The following TENM2 variants were observed in gnomAD, a reference collection of about 807,000 sequenced individuals.
The protein encoded by TENM2 is teneurin-2.
TENM2 carries 52 observed loss-of-function variants against 245.2 expected under a neutral mutation model. That is an observed-to-expected ratio of 0.21 (90% CI 0.17 to 0.27). The LOEUF (loss-of-function observed/expected upper bound fraction) is 0.27, where lower values mean the gene tolerates loss of function less well. Ranked by LOEUF, TENM2 falls within the 10% of genes least tolerant of loss-of-function variation. The pLI is 1.00. For missense variants in TENM2, 3,046 were observed against 3,666.8 expected (o/e 0.83, Z 4.37); for synonymous variants, 1,363 against 1,438.9 (o/e 0.95, Z 1.19).
chr5:167,264,800 T>C, the TENM2 span, among the ~76,000 whole-genome samples: 408 of 152,294 alleles, frequency 2.7e-3, 1 homozygote, highest in African/African-American at 9.5e-3. Context: ...ACTTCGGGCA[T>C]TTAATGTTGA....
the TENM2 span, among the ~76,000 whole-genome samples, chr5:166,985,535 C>T: frequency 1.3e-5 from 2 of 151,946 alleles, no homozygotes; most frequent in African/African-American, 2.4e-5. Flanking sequence ...CTTGTGTGAC[C>T]CAAAATCTAA....
chr5:168,039,521 T>C (rs922722430), intron 5 of TENM2, among the ~76,000 whole-genome samples: 2 of 152,148 alleles, frequency 1.3e-5, no homozygotes, highest in Non-Finnish European at 2.9e-5. Context: ...CATGGGTCCT[T>C]TCTTGGAGAA....
At chr5:167,914,359 A>T (rs1217278499) in intron 3 of TENM2, among the ~76,000 whole-genome samples, 1 of 152,112 alleles carries the variant, frequency 6.6e-6, no homozygotes, top group Non-Finnish European at 1.5e-5. Context: ...TCCTTGGCTC[A>T]TGTCCCCTCC....
the TENM2 span, among the ~76,000 whole-genome samples, chr5:166,996,153 C>T: frequency 6.6e-6 from 1 of 151,972 alleles, no homozygotes; most frequent in African/African-American, 2.4e-5. Context: ...ACCATCCTGG[C>T]TAACACGGTG....
At chr5:167,799,420 C>G (rs1483077468) in intron 2 of TENM2, among the ~76,000 whole-genome samples, 2 of 152,120 alleles carry the variant, frequency 1.3e-5, no homozygotes, top group Non-Finnish European at 1.5e-5. Context: ...CCTTTGCTTT[C>G]TATTTATGGC....
At chr5:167,475,720 C>T (rs2127520132) in intron 2 of TENM2, among the ~76,000 whole-genome samples, 1 of 152,220 alleles carries the variant, frequency 6.6e-6, no homozygotes, top group South Asian at 2.1e-4. Context: ...CATTGTTCAG[C>T]TCCCACTTAT....
chr5:167,737,776 G>T (rs911686567), intron 2 of TENM2, among the ~76,000 whole-genome samples: 1 of 152,220 alleles, frequency 6.6e-6, no homozygotes, highest in Non-Finnish European at 1.5e-5. Flanking sequence ...AGGACCCAAA[G>T]ACATTGTTTC....
chr5:167,776,446 A>C (rs1243997313), intron 2 of TENM2, among the ~76,000 whole-genome samples: 1 of 151,444 alleles, frequency 6.6e-6, no homozygotes, highest in African/African-American at 2.4e-5. Flanking sequence ...AAATACAAAA[A>C]TTAGCTGAGC....
the TENM2 span, among the ~76,000 whole-genome samples, chr5:167,162,658 A>C: frequency 6.6e-6 from 1 of 151,240 alleles, no homozygotes; most frequent in Non-Finnish European, 1.5e-5. Flanking sequence ...CAAAAAAAAA[A>C]CCTCCTTAGG....
At chr5:167,393,109 A>G (rs771894045) in intron 2 of TENM2, among the ~76,000 whole-genome samples, 1 of 151,368 alleles carries the variant, frequency 6.6e-6, no homozygotes, top group Non-Finnish European at 1.5e-5. Context: ...GCGACAGAGC[A>G]AGACTCCATC....
chr5:167,836,906 G>T (rs1258199918), intron 2 of TENM2, among the ~76,000 whole-genome samples: 1 of 152,130 alleles, frequency 6.6e-6, no homozygotes, highest in Non-Finnish European at 1.5e-5. Context: ...TTTTCTGAGA[G>T]GAGGCACTGG....
chr5:167,919,596 TAACCCC>T (rs1484602180), intron 3 of TENM2, among the ~76,000 whole-genome samples: 1 of 152,182 alleles, frequency 6.6e-6, no homozygotes, highest in Non-Finnish European at 1.5e-5. Context: ...GGCGAAGAGG[TAACCCC>T]TTGACCTAAG....
At chr5:167,804,424 T>G (rs1471628602) in intron 2 of TENM2, among the ~76,000 whole-genome samples, 1 of 152,114 alleles carries the variant, frequency 6.6e-6, no homozygotes, top group Non-Finnish European at 1.5e-5. Context: ...GAAGGAGGAA[T>G]CTGCTTCTTG....
intron 16 of TENM2, 111 bp from the exon 19 acceptor site, chr5:168,199,753 C>G: frequency 8.4e-7 from 1 of 1,191,282 alleles, no homozygotes; most frequent in Middle Eastern, 2.9e-4. Flanking sequence ...CTTGCACCCA[C>G]ATAAGATGTG....
chr5:167,219,060 G>A, the TENM2 span, among the ~76,000 whole-genome samples: 1 of 152,172 alleles, frequency 6.6e-6, no homozygotes, highest in South Asian at 2.1e-4. Context: ...CAGAAACACA[G>A]CCTCTTCTCT....
At chr5:168,136,817 A>G (rs1221504556) in intron 12 of TENM2, among the ~76,000 whole-genome samples, 1 of 152,170 alleles carries the variant, frequency 6.6e-6, no homozygotes, top group Non-Finnish European at 1.5e-5. Context: ...CAGGACCCCT[A>G]CCATTTAGAT....
intron 1 of TENM2, among the ~76,000 whole-genome samples, chr5:167,351,297 G>C (rs1303373849): frequency 6.6e-6 from 1 of 151,942 alleles, no homozygotes; most frequent in Non-Finnish European, 1.5e-5. Context: ...ATCTCCTCCA[G>C]GTAGTGACTG....
At chr5:168,059,571 C>T (rs1339206693) in intron 6 of TENM2, among the ~76,000 whole-genome samples, 1 of 152,164 alleles carries the variant, frequency 6.6e-6, no homozygotes, top group Admixed American at 6.5e-5. Context: ...CCAGGCGGCT[C>T]TCTTACTATG....
chr5:167,745,800 T>A (rs1761517269), intron 2 of TENM2, among the ~76,000 whole-genome samples: 1 of 152,242 alleles, frequency 6.6e-6, no homozygotes, highest in Non-Finnish European at 1.5e-5. Context: ...GGTTCATCTA[T>A]GCATAGCATG....
Sources: gnomAD v4.1 joint callset for allele counts (sites outside exome capture counted in the v4.1 genomes callset) on GRCh38, gnomAD v4.1.1 for gene constraint, MANE v1.5 for transcripts, NCBI Gene and HGNC (gene_info 2026-07-23, HGNC 2026-07-21) for gene names.